The following GLB1 variants were observed in gnomAD, a reference collection of about 807,000 sequenced individuals.
GLB1 encodes the protein galactosidase beta 1.
Under a neutral mutation model 74.0 loss-of-function variants are expected in GLB1, and 56 were observed. The observed-to-expected ratio is 0.76, with a 90% CI of 0.61 to 0.94. The LOEUF (loss-of-function observed/expected upper bound fraction) is 0.94. Ranked by LOEUF, GLB1 falls within the 40% of genes least tolerant of loss-of-function variation. The probability of loss-of-function intolerance (pLI) is 0.00; values close to 1 mark genes in which losing one functional copy is unlikely to be tolerated. For missense variants in GLB1, 787 were observed against 845.5 expected (o/e 0.93, Z 0.86); for synonymous variants, 323 against 323.6 (o/e 1.00, Z 0.02).
At chr3:33,094,203 G>T in intron 1 of GLB1, 6 of 1,586,664 alleles carry the variant, frequency 3.8e-6, no homozygotes, top group Non-Finnish European at 5.2e-6. Flanking sequence ...CATTTTCTCT[G>T]CTCCTAGTAG....
chr3:33,055,887 C>A (rs751185437), intron 6 of GLB1, among the ~76,000 whole-genome samples: 8 of 151,918 alleles, frequency 5.3e-5, no homozygotes, highest in Non-Finnish European at 1.2e-4. Context: ...AAGGTCAGTT[C>A]TTTTCTGTTC....
At chr3:32,966,143 C>T in the GLB1 span, among the ~76,000 whole-genome samples, 4 of 152,282 alleles carry the variant, frequency 2.6e-5, no homozygotes, top group Middle Eastern at 6.8e-3. Context: ...GTCCTCCAGA[C>T]CCTAGAATGG....
At chr3:33,011,638 C>CAAAAAAA (rs11342344) in intron 15 of GLB1, among the ~76,000 whole-genome samples, 9 of 84,060 alleles carry the variant, frequency 1.1e-4, no homozygotes, top group East Asian at 3.6e-4. Context: ...GAGTCCATCT[C>CAAAAAAA]AAAAAAAAAA....
intron 10 of GLB1, among the ~76,000 whole-genome samples, chr3:33,043,131 A>C (rs1404865534): frequency 6.6e-6 from 1 of 152,232 alleles, no homozygotes; most frequent in Non-Finnish European, 1.5e-5. Flanking sequence ...GAGGGATGCA[A>C]TATGGAGAAA....
intron 10 of GLB1, chr3:33,030,294 T>A: frequency 6.2e-6 from 1 of 162,566 alleles, no homozygotes; most frequent in East Asian, 1.9e-4. Context: ...CTACACTTGA[T>A]CTTAGCCAAA....
chr3:33,067,606 T>TGG (rs1699738129), intron 4 of GLB1, among the ~76,000 whole-genome samples: 1 of 152,132 alleles, frequency 6.6e-6, no homozygotes, highest in South Asian at 2.1e-4. Context: ...CGAGGTGCTA[T>TGG]CATTGGCTGT....
chr3:33,016,582 C>A (rs1697243568), intron 14 of GLB1, 127 bp downstream of exon 14: 1 of 1,528,026 alleles, frequency 6.5e-7, no homozygotes, highest in Non-Finnish European at 9.0e-7. Flanking sequence ...GAACTCCTGG[C>A]CTCAAGTGAT....
Position 33,074,632 on chromosome 3 carries a change from G to A in GLB1, c.76-1919C>T, listed in dbSNP as rs564928213. ...GGGGTGGGGGTTCGACTGTTAAGCCGAGTGGAACACTGCCCTCTGGTGGAT... is the reference window on the plus strand; with the variant it reads ...GGGGTGGGGGTTCGACTGTTAAGCCAAGTGGAACACTGCCCTCTGGTGGAT... On this transcript the variant is annotated intron_variant, in intron 1 of 15. Coordinates refer to ENST00000307363, the MANE Select transcript of GLB1 (RefSeq NM_000404.4). Among the ~76,000 whole-genome samples, 12 of 152,194 alleles carry A rather than the reference G, an allele frequency of 7.9e-5. No homozygotes were observed. In the South Asian group the frequency reaches 2.3e-3, roughly 29 times the overall value.
the GLB1 span, among the ~76,000 whole-genome samples, chr3:32,969,105 G>A: frequency 1.3e-5 from 2 of 152,146 alleles, no homozygotes; most frequent in African/African-American, 4.8e-5. Context: ...TTGGAGACCC[G>A]GACATTGAAT....
At chr3:33,003,880 A>C (rs1696678866) in intron 15 of GLB1, among the ~76,000 whole-genome samples, 1 of 152,146 alleles carries the variant, frequency 6.6e-6, no homozygotes, top group African/African-American at 2.4e-5. Flanking sequence ...AAATACAAAA[A>C]TCAGCCAGGT....
intron 4 of GLB1, among the ~76,000 whole-genome samples, chr3:33,066,282 G>C (rs1699678334): frequency 6.6e-6 from 1 of 152,194 alleles, no homozygotes. Flanking sequence ...TGAGGGCTCA[G>C]CCCTCATAAG....
At chr3:33,076,687 A>T (rs1020353031) in intron 1 of GLB1, among the ~76,000 whole-genome samples, 8 of 152,314 alleles carry the variant, frequency 5.3e-5, no homozygotes, top group Non-Finnish European at 1.0e-4. Context: ...GAGACTTAAG[A>T]GATATATCAA....
the GLB1 span, among the ~76,000 whole-genome samples, chr3:32,967,583 A>C: frequency 1.3e-5 from 2 of 150,894 alleles, no homozygotes; most frequent in Admixed American, 6.6e-5. Flanking sequence ...GATGGGGCTC[A>C]GTCCTTTGGA....
chr3:33,042,046 T>C (rs1186782099), intron 10 of GLB1, among the ~76,000 whole-genome samples: 1 of 152,152 alleles, frequency 6.6e-6, no homozygotes, highest in Non-Finnish European at 1.5e-5. Context: ...ATACTCCCCA[T>C]CTGAAAATTA....
rs577286241 is a variant in GLB1, at chr3:33,096,943, C to T, written c.75+68G>A. 191 of 1,573,218 alleles carry T rather than the reference C, an allele frequency of 1.2e-4. No individual in the cohort carries two copies. The African/African-American group carries it at 2.1e-3, about 17-fold the overall frequency. On this transcript the variant is annotated intron_variant, in intron 1 of 15. Transcript: ENST00000307363. ...CTGCGGGACCGCGGGTGGCTGCGACCCCAGCCCGGTTCCCCGCCAGCCTGT... is the reference window on the plus strand; with the variant it reads ...CTGCGGGACCGCGGGTGGCTGCGACTCCAGCCCGGTTCCCCGCCAGCCTGT...
chr3:32,997,417 G>A, intron 15 of GLB1, 73 bp from the exon 16 acceptor site: 1 of 1,596,480 alleles, frequency 6.3e-7, no homozygotes, highest in South Asian at 1.1e-5. Context: ...GGGCCCTGAT[G>A]TAGGGCAGGC....
downstream of GLB1, among the ~76,000 whole-genome samples, chr3:32,995,968 TCCTAA>T (rs1277095390): frequency 6.6e-6 from 1 of 152,168 alleles, no homozygotes; most frequent in East Asian, 1.9e-4. Context: ...TTTAAGTTAT[TCCTAA>T]CCTTTCTTGT....
intron 1 of GLB1, chr3:33,092,336 C>T: frequency 1.0e-6 from 1 of 987,548 alleles, no homozygotes; most frequent in South Asian, 4.7e-5. Flanking sequence ...AGGGCCCTTC[C>T]ATCTTGCCTG....
rs560858144 is a variant in GLB1 at position 33,054,425 on chromosome 3, T to C, written c.734-876A>G. The stretch of plus-strand genomic sequence containing the variant: ...CTTTCCTGTCTGCACAAGAGTTCCC[T>C]TCACAGGCCTGTCTTCTTTATCTGT... On this transcript the variant is annotated intron_variant, in intron 6 of 15. Transcript: ENST00000307363. Among the ~76,000 whole-genome samples the C allele has an allele frequency of 3.3e-5, 5 of 152,270 alleles. No individual in the cohort carries two copies. The South Asian group carries it at 1.0e-3, about 32-fold the overall frequency.
Sources: gnomAD v4.1 joint callset for allele counts (sites outside exome capture counted in the v4.1 genomes callset) on GRCh38, gnomAD v4.1.1 for gene constraint, MANE v1.5 for transcripts, NCBI Gene and HGNC (gene_info 2026-07-23, HGNC 2026-07-21) for gene names.